EMC1: variants seen among roughly 807,000 people sequenced by gnomAD.
The protein encoded by EMC1 is KIAA0090.
A neutral mutation model predicts 128.8 loss-of-function variants in EMC1; 103 were observed. The ratio of observed to expected loss-of-function variants is 0.80; its 90% CI spans 0.68 to 0.94. The LOEUF (loss-of-function observed/expected upper bound fraction) is 0.94. Ranked by LOEUF, EMC1 falls within the 40% of genes least tolerant of loss-of-function variation. The pLI is 0.00. For missense variants in EMC1, 1,083 were observed against 1,250.6 expected (o/e 0.87, Z 2.02); for synonymous variants, 442 against 490.4 (o/e 0.90, Z 1.30).
chr1:19,225,585 T>C (rs769302748), intron 18 of EMC1, among the ~76,000 whole-genome samples: 4 of 151,944 alleles, frequency 2.6e-5, no homozygotes, highest in Admixed American at 6.6e-5. Flanking sequence ...ACGTGGAGGT[T>C]GCAGTGAGCC....
chr1:19,227,439 A>G lies in EMC1; in HGVS notation c.2076T>C (p.Thr692=). 1 of 1,614,056 alleles carries G rather than the reference A, an allele frequency of 6.2e-7. No individual in the cohort carries two copies. The highest frequency in any genetic ancestry group is 1.1e-5 in the South Asian group (1 of 91,082). ...CGYRLRKDLT[T]ELSWELTIPP... is the part of the protein sequence containing the mutation. ...GAATGGTCAGCTCCCAACTCAGCTCAGTGGTGAGATCCTAGGGCAGGGGCA... is the reference window on the plus strand; with the variant it reads ...GAATGGTCAGCTCCCAACTCAGCTCGGTGGTGAGATCCTAGGGCAGGGGCA... Residue 692 remains threonine (T), a synonymous_variant, in exon 18 of 23, where the codon ACT becomes ACC. Coordinates refer to ENST00000477853, the MANE Select transcript of EMC1 (RefSeq NM_015047.3).
At chr1:19,240,513 G>A (rs911049793) in intron 6 of EMC1, 67 bp from the exon 7 acceptor site, 10 of 1,564,772 alleles carry the variant, frequency 6.4e-6, no homozygotes, top group East Asian at 4.5e-5. Context: ...CAGCCCAACA[G>A]CAATATTGCT....
At chr1:19,224,797 TTGCCCTC>T (rs1318563580) in intron 18 of EMC1, among the ~76,000 whole-genome samples, 1 of 152,242 alleles carries the variant, frequency 6.6e-6, no homozygotes, top group Non-Finnish European at 1.5e-5. Context: ...TCTGGCCCTG[TTGCCCTC>T]TGCCCTCAGC....
At chr1:19,247,576 A>G (rs1267199209) in intron 1 of EMC1, among the ~76,000 whole-genome samples, 1 of 152,252 alleles carries the variant, frequency 6.6e-6, no homozygotes, top group Non-Finnish European at 1.5e-5. Flanking sequence ...GCTGTATAAA[A>G]GTACAGCATA....
At chr1:19,235,965 C>T (rs1047689432) in intron 12 of EMC1, among the ~76,000 whole-genome samples, 2 of 152,160 alleles carry the variant, frequency 1.3e-5, no homozygotes, top group Non-Finnish European at 2.9e-5. Flanking sequence ...CTCGCTGACT[C>T]AGGGATTACT....
At chr1:19,250,479 A>G (rs1307313756) in intron 1 of EMC1, among the ~76,000 whole-genome samples, 1 of 152,206 alleles carries the variant, frequency 6.6e-6, no homozygotes, top group Non-Finnish European at 1.5e-5. Flanking sequence ...TGTGCACATC[A>G]TTAAAAATGT....
intron 13 of EMC1, 109 bp downstream of exon 13, chr1:19,235,021 C>G: frequency 7.6e-7 from 1 of 1,321,130 alleles, no homozygotes; most frequent in Non-Finnish European, 1.0e-6. Context: ...AAAAGACTAG[C>G]AATCTGCCCA....
At chr1:19,227,595 A>G (rs1413739042) in intron 17 of EMC1, 145 bp from the exon 18 acceptor site, 5 of 1,022,002 alleles carry the variant, frequency 4.9e-6, no homozygotes, top group Non-Finnish European at 5.6e-6. Flanking sequence ...AGCCAGGAGC[A>G]GTGGCTCATT....
intron 1 of EMC1, among the ~76,000 whole-genome samples, chr1:19,246,151 G>A (rs1339507733): frequency 6.6e-6 from 1 of 151,930 alleles, no homozygotes; most frequent in Non-Finnish European, 1.5e-5. Context: ...AGCACTTTGG[G>A]AGGCCAAGGT....
chr1:19,236,551 G>A (rs779300788), intron 12 of EMC1, among the ~76,000 whole-genome samples: 66 of 151,952 alleles, frequency 4.3e-4, no homozygotes, highest in Non-Finnish European at 5.6e-4. Flanking sequence ...AGCTACTTGG[G>A]AGGCTGAGGC....
intron 17 of EMC1, 50 bp from the exon 18 acceptor site, chr1:19,227,500 G>A: frequency 6.2e-7 from 1 of 1,607,754 alleles, no homozygotes; most frequent in African/African-American, 1.3e-5. Flanking sequence ...ACTTAGAACT[G>A]AAACAGCTGG....
At chr1:19,250,602 G>A (rs1472731972) in intron 1 of EMC1, among the ~76,000 whole-genome samples, 1 of 152,190 alleles carries the variant, frequency 6.6e-6, no homozygotes, top group Non-Finnish European at 1.5e-5. Flanking sequence ...CCTGGGCCCT[G>A]AAGAATAAAG....
intron 5 of EMC1, among the ~76,000 whole-genome samples, chr1:19,241,947 C>T (rs1039713395): frequency 1.5e-4 from 23 of 152,314 alleles, no homozygotes; most frequent in Admixed American, 1.1e-3. Flanking sequence ...GAAACCATTT[C>T]ACACCTCACT....
At chr1:19,223,287 G>A in intron 19 of EMC1, 109 bp downstream of exon 19, 1 of 1,019,944 alleles carries the variant, frequency 9.8e-7, no homozygotes, top group African/African-American at 1.6e-5. Flanking sequence ...TGCCATCCAG[G>A]GAATTTGAGA....
chr1:19,240,922 T>G, intron 6 of EMC1, 94 bp downstream of exon 6: 1 of 1,451,544 alleles, frequency 6.9e-7, no homozygotes, highest in East Asian at 2.3e-5. Flanking sequence ...CTTTTGCATC[T>G]GCCCAGCCAA....
intron 13 of EMC1, among the ~76,000 whole-genome samples, 169 bp from the exon 14 acceptor site, chr1:19,233,304 C>G (rs2093538600): frequency 6.6e-6 from 1 of 152,232 alleles, no homozygotes; most frequent in African/African-American, 2.4e-5. Flanking sequence ...GTCTCACACT[C>G]AGGTGAGGCT....
rs992055694 is a variant in EMC1, at chr1:19,218,940, A to C, written c.*363T>G. On this transcript the variant is annotated 3_prime_UTR_variant, in exon 23 of 23. Transcript: ENST00000477853. The stretch of plus-strand genomic sequence containing the variant: ...AATTGAGAAACACAAAAGGCAAAGT[A>C]AAGTCAATTTAAACAGGCCTCACAA... 8 of 175,586 alleles carry C rather than the reference A, an allele frequency of 4.6e-5. No individual in the cohort carries two copies. The East Asian group carries it at 6.2e-4, about 14-fold the overall frequency. 10.9% of individuals were successfully genotyped at this position (175,586 alleles called of 1,614,324 possible).
rs779513279 is a variant in EMC1, at chr1:19,219,680, C to T, written c.2691G>A (p.Pro897=). The T allele has an allele frequency of 5.0e-6, 8 of 1,613,934 alleles. No homozygotes were observed. Among genetic ancestry groups the T allele is most frequent in the South Asian group, 2.2e-5 (2 of 91,076 alleles). The change falls in exon 22 of 23, where the codon CCG becomes CCA. Residue 897 remains proline (P), a synonymous_variant. Coordinates refer to ENST00000477853, the MANE Select transcript of EMC1 (RefSeq NM_015047.3). Reference sequence around the variant, plus strand: ...CGTGTATCTGTACATCTGGAGAATACGGGATTAAGTTCTCCTCTCTGCAAA... The same window carrying T: ...CGTGTATCTGTACATCTGGAGAATATGGGATTAAGTTCTCCTCTCTGCAAA... ...TEQSREENLI[P]YSPDVQIHAE...
chr1:19,232,928 C>T lies in EMC1; in HGVS notation c.1632+8G>A, dbSNP rs373806129. The T allele has an allele frequency of 2.2e-5, 35 of 1,613,824 alleles. No homozygotes were observed. In the African/African-American group the frequency reaches 4.7e-4, roughly 22 times the overall value. On this transcript the variant is annotated splice_region_variant and intron_variant, in intron 14 of 22. Transcript: ENST00000477853. Reference sequence around the variant, plus strand: ...AGGTTCAGTAACTGGAGCTTAAACCCCACTCACCTTGCCTGAGGCTGTTAC... The same window carrying T: ...AGGTTCAGTAACTGGAGCTTAAACCTCACTCACCTTGCCTGAGGCTGTTAC...
Sources: allele counts gnomAD v4.1 joint callset (sites outside exome capture counted in the v4.1 genomes callset), GRCh38; gene constraint gnomAD v4.1.1; transcripts MANE v1.5; gene names NCBI Gene and HGNC (gene_info 2026-07-23, HGNC 2026-07-21).